The following MCTP1 variants were observed in gnomAD, a reference collection of about 807,000 sequenced individuals.
MCTP1 encodes multiple C2 and transmembrane domain-containing protein 1.
In MCTP1, 69 loss-of-function variants were observed where a neutral mutation model predicts 120.6. That is an observed-to-expected ratio of 0.57 (90% confidence interval 0.47 to 0.70). The LOEUF (loss-of-function observed/expected upper bound fraction) is 0.70. Ranked by LOEUF, MCTP1 falls within the 30% of genes least tolerant of loss-of-function variation. The pLI is 0.00. For synonymous variants in MCTP1, 529 were observed against 493.1 expected (o/e 1.07, Z -0.96); for missense variants, 1,203 against 1,248.8 (o/e 0.96, Z 0.55).
chr5:94,791,101 C>A (rs535368999), intron 18 of MCTP1, among the ~76,000 whole-genome samples: 2 of 131,398 alleles, frequency 1.5e-5, no homozygotes, highest in Admixed American at 8.4e-5. Context: ...GGCGAAATCC[C>A]GTCTCTACTA....
intron 17 of MCTP1, among the ~76,000 whole-genome samples, chr5:94,862,179 C>T (rs7715122): frequency 0.36 from 54,200 of 151,668 alleles, 9,971 homozygotes; most frequent in Non-Finnish European, 0.41. Context: ...CTACTTTCCA[C>T]GTTACAGGAC....
chr5:95,123,994 A>G (rs1758436066), intron 1 of MCTP1, among the ~76,000 whole-genome samples: 1 of 152,188 alleles, frequency 6.6e-6, no homozygotes, highest in South Asian at 2.1e-4. Context: ...CAATGTACAA[A>G]TAAGGGTTTT....
intron 2 of MCTP1, among the ~76,000 whole-genome samples, chr5:95,003,122 C>G: frequency 6.6e-6 from 1 of 152,202 alleles, no homozygotes; most frequent in East Asian, 1.9e-4. Context: ...TGTAAGTTTC[C>G]TGAGGCCTCC....
chr5:95,068,482 A>G (rs779797073), intron 1 of MCTP1, among the ~76,000 whole-genome samples: 2 of 152,248 alleles, frequency 1.3e-5, no homozygotes, highest in Admixed American at 6.5e-5. Flanking sequence ...TAATACGTCA[A>G]CTTCCTCAGA....
chr5:95,148,255 G>A (rs781592682), intron 1 of MCTP1, among the ~76,000 whole-genome samples: 3 of 152,036 alleles, frequency 2.0e-5, no homozygotes, highest in Admixed American at 6.5e-5. Context: ...TACCTCTCTG[G>A]CAAGATTGGG....
rs1385322747 is a variant in MCTP1 at position 94,754,925 on chromosome 5, T to C, written c.2610+24185A>G. The stretch of plus-strand genomic sequence containing the variant: ...GTTGTTGGACCTGTCTTTATGTTCT[T>C]TCTGTATTATCCTGTTTTTATACAA... On this transcript the variant is annotated intron_variant, in intron 19 of 22. Coordinates refer to ENST00000515393, the MANE Select transcript of MCTP1 (RefSeq NM_024717.7). Among the ~76,000 whole-genome samples the C allele has an allele frequency of 2.0e-5, 3 of 152,168 alleles. No homozygotes were observed. In the East Asian group the frequency reaches 5.8e-4, roughly 29 times the overall value.
At chr5:95,151,324 T>C (rs567786371) in intron 1 of MCTP1, among the ~76,000 whole-genome samples, 6 of 151,888 alleles carry the variant, frequency 4.0e-5, no homozygotes, top group Non-Finnish European at 8.8e-5. Context: ...GATAATGTAT[T>C]TACTATTCAT....
chr5:95,120,888 C>T (rs1466633781), intron 1 of MCTP1, among the ~76,000 whole-genome samples: 1 of 152,132 alleles, frequency 6.6e-6, no homozygotes, highest in South Asian at 2.1e-4. Flanking sequence ...AGGAAGAAGT[C>T]AAATTATCCC....
chr5:95,037,115 T>C (rs995296382), intron 1 of MCTP1, among the ~76,000 whole-genome samples: 8 of 152,206 alleles, frequency 5.3e-5, no homozygotes, highest in African/African-American at 1.7e-4. Context: ...GTCCTCCACC[T>C]CCTTCAACCT....
chr5:94,773,763 A>C (rs1236830891), intron 19 of MCTP1, among the ~76,000 whole-genome samples: 1 of 152,132 alleles, frequency 6.6e-6, no homozygotes, highest in East Asian at 1.9e-4. Context: ...AAACTATCAG[A>C]TCTCATGAGA....
intron 2 of MCTP1, among the ~76,000 whole-genome samples, chr5:94,987,421 T>C (rs1830617811): frequency 6.6e-6 from 1 of 152,186 alleles, no homozygotes. Flanking sequence ...GAATTGATTA[T>C]CTAACATTTT....
chr5:95,171,669 A>G (rs1747309710), intron 1 of MCTP1, among the ~76,000 whole-genome samples: 3 of 152,140 alleles, frequency 2.0e-5, no homozygotes, highest in Admixed American at 2.0e-4. Context: ...TTGATCTTCC[A>G]TCGCTGGTAC....
chr5:94,907,069 C>T (rs890430096), intron 10 of MCTP1, among the ~76,000 whole-genome samples: 6 of 152,142 alleles, frequency 3.9e-5, no homozygotes, highest in Non-Finnish European at 7.4e-5. Flanking sequence ...GTATTATCTC[C>T]ACTGTTTCCA....
chr5:95,226,582 TCAGAACAC>T (rs1437534041), intron 1 of MCTP1, among the ~76,000 whole-genome samples: 1 of 152,040 alleles, frequency 6.6e-6, no homozygotes, highest in Non-Finnish European at 1.5e-5. Context: ...TACTGCTCTC[TCAGAACAC>T]CTTTTTTTTT....
At chr5:95,087,712 A>G (rs1755536023) in intron 1 of MCTP1, among the ~76,000 whole-genome samples, 1 of 152,184 alleles carries the variant, frequency 6.6e-6, no homozygotes, top group Non-Finnish European at 1.5e-5. Context: ...TAGCCACTGA[A>G]ACACTGGGGT....
chr5:94,817,475 C>T (rs1270557022), intron 17 of MCTP1, among the ~76,000 whole-genome samples: 1 of 152,124 alleles, frequency 6.6e-6, no homozygotes, highest in Non-Finnish European at 1.5e-5. Flanking sequence ...GGAGTTGAAA[C>T]TTGCTACCTC....
intron 1 of MCTP1, among the ~76,000 whole-genome samples, chr5:95,225,703 T>C (rs1307977927): frequency 6.6e-6 from 1 of 152,084 alleles, no homozygotes; most frequent in Non-Finnish European, 1.5e-5. Flanking sequence ...CAGGGTTTCA[T>C]CTCTCTCCTT....
intron 1 of MCTP1, among the ~76,000 whole-genome samples, chr5:95,025,106 C>T (rs1037259545): frequency 3.9e-5 from 6 of 152,050 alleles, no homozygotes; most frequent in Admixed American, 2.6e-4. Context: ...CCCTGAATGA[C>T]CAAAGCCATC....
At chr5:95,270,361 A>G (rs1348036541) in intron 1 of MCTP1, among the ~76,000 whole-genome samples, 1 of 152,260 alleles carries the variant, frequency 6.6e-6, no homozygotes, top group Non-Finnish European at 1.5e-5. Context: ...TAAAATGCAG[A>G]AGACATCAAC....
Sources: gnomAD v4.1 joint callset for allele counts (sites outside exome capture counted in the v4.1 genomes callset) on GRCh38, gnomAD v4.1.1 for gene constraint, MANE v1.5 for transcripts, NCBI Gene and HGNC (gene_info 2026-07-23, HGNC 2026-07-21) for gene names.